UCK2: variants seen among roughly 807,000 people sequenced by gnomAD.
UCK2 encodes cytidine monophosphokinase 2.
In UCK2, 6 loss-of-function variants were observed where a neutral mutation model predicts 30.8. That is an observed-to-expected ratio of 0.19 (90% CI 0.11 to 0.38). The LOEUF (loss-of-function observed/expected upper bound fraction) is 0.38. UCK2 is among the 10% of genes least tolerant of loss of function. UCK2 has a pLI of 1.00. For missense variants in UCK2, 210 were observed against 339.8 expected (o/e 0.62, Z 3.00); for synonymous variants, 125 against 133.6 (o/e 0.94, Z 0.45).
At chr1:165,880,561 TTGGGGGTGTG>T (rs1171671592) in intron 1 of UCK2, among the ~76,000 whole-genome samples, 5 of 77,638 alleles carry the variant, frequency 6.4e-5, no homozygotes, top group Non-Finnish European at 1.4e-4. Context: ...TCAGTTTTTT[TTGGGGGTGTG>T]TGTGTGTGTG....
At chr1:165,875,572 A>T (rs746947110) in intron 1 of UCK2, among the ~76,000 whole-genome samples, 1 of 152,210 alleles carries the variant, frequency 6.6e-6, no homozygotes, top group African/African-American at 2.4e-5. Flanking sequence ...TGCCCCCTGC[A>T]GACATGCAAA....
chr1:165,902,996 T>G (rs1456446505), intron 4 of UCK2, 186 bp from the exon 5 acceptor site: 18 of 453,870 alleles, frequency 4.0e-5, no homozygotes, highest in Non-Finnish European at 5.9e-5. Context: ...TTGTAAGATG[T>G]CAGAATGTAA....
chr1:165,890,728 A>G, intron 2 of UCK2: 1 of 267,836 alleles, frequency 3.7e-6, no homozygotes, highest in South Asian at 4.8e-5. Flanking sequence ...TGTGTGTTCA[A>G]CCCACTGTCT....
chr1:165,877,051 G>A (rs1655354285), intron 1 of UCK2, among the ~76,000 whole-genome samples: 1 of 152,126 alleles, frequency 6.6e-6, no homozygotes. Flanking sequence ...GTTAGAATAT[G>A]ATCGTAGATT....
chr1:165,906,107 C>G, intron 6 of UCK2, 138 bp downstream of exon 6: 2 of 792,678 alleles, frequency 2.5e-6, no homozygotes, highest in Non-Finnish European at 4.2e-6. Context: ...CCAGCAGAAC[C>G]TTTCCACCTA....
intron 4 of UCK2, 133 bp downstream of exon 4, chr1:165,896,465 G>C: frequency 1.0e-6 from 1 of 1,004,076 alleles, no homozygotes; most frequent in South Asian, 1.5e-5. Context: ...GTGTCGCATG[G>C]TCCAGCCCGG....
At chr1:165,877,433 G>A (rs763778839) in intron 1 of UCK2, among the ~76,000 whole-genome samples, 4 of 152,130 alleles carry the variant, frequency 2.6e-5, no homozygotes, top group Non-Finnish European at 4.4e-5. Flanking sequence ...TACCTGCCCC[G>A]GATTTCCCGC....
chr1:165,841,088 T>G (rs1296996473), intron 1 of UCK2, among the ~76,000 whole-genome samples: 1 of 128,392 alleles, frequency 7.8e-6, no homozygotes, highest in African/African-American at 3.0e-5. Context: ...TATTTGTGTG[T>G]GCACACGTAT....
intron 1 of UCK2, among the ~76,000 whole-genome samples, chr1:165,883,524 T>C (rs1224548274): frequency 6.6e-6 from 1 of 152,218 alleles, no homozygotes; most frequent in Non-Finnish European, 1.5e-5. Context: ...GTCCTTGTGC[T>C]CCAAAAGCTC....
At chr1:165,903,805 C>T (rs1647563337) in intron 5 of UCK2, among the ~76,000 whole-genome samples, 1 of 152,190 alleles carries the variant, frequency 6.6e-6, no homozygotes, top group Non-Finnish European at 1.5e-5. Flanking sequence ...TTCACCCTTG[C>T]AGACTCACCA....
Position 165,827,823 on chromosome 1 carries a change from C to A in UCK2, c.-11C>A. On this transcript the variant is annotated 5_prime_UTR_variant, in exon 1 of 7. Coordinates refer to ENST00000367879, the MANE Select transcript of UCK2 (RefSeq NM_012474.5). Reference sequence around the variant, plus strand: ...TTCGCACAGGCAGCGGGAGGAGGGGCGGCGCGAACCATGGCCGGGGACAGC... The same window carrying A: ...TTCGCACAGGCAGCGGGAGGAGGGGAGGCGCGAACCATGGCCGGGGACAGC... The A allele has an allele frequency of 1.4e-6, 2 of 1,419,144 alleles. No individual in the cohort carries two copies. The highest frequency in any genetic ancestry group is 1.9e-6 in the Non-Finnish European group (2 of 1,076,416). 87.9% of individuals were successfully genotyped at this position (1,419,144 alleles called of 1,614,324 possible).
intron 1 of UCK2, among the ~76,000 whole-genome samples, chr1:165,863,539 C>G (rs1223324837): frequency 6.6e-6 from 1 of 152,196 alleles, no homozygotes; most frequent in African/African-American, 2.4e-5. Context: ...CCGTGTTGCA[C>G]AGTGAGTGAA....
intron 1 of UCK2, among the ~76,000 whole-genome samples, chr1:165,880,561 TTGGGGGTGTGTGTGTGTG>T (rs1393582470): frequency 3.9e-5 from 3 of 77,638 alleles, no homozygotes; most frequent in African/African-American, 1.4e-4. Context: ...TCAGTTTTTT[TTGGGGGTGTGTGTGTGTG>T]TGTGTGTGTG....
intron 4 of UCK2, chr1:165,900,483 G>C (rs1647420064): frequency 6.6e-6 from 1 of 152,228 alleles, no homozygotes; most frequent in Non-Finnish European, 1.5e-5. Context: ...GTCCAGGGCA[G>C]TTTTCCCCCC....
At chr1:165,868,550 T>C (rs1405481116) in intron 1 of UCK2, among the ~76,000 whole-genome samples, 1 of 152,224 alleles carries the variant, frequency 6.6e-6, no homozygotes, top group East Asian at 1.9e-4. Context: ...TCTAGCACAA[T>C]ATGTTAGGGA....
intron 1 of UCK2, among the ~76,000 whole-genome samples, chr1:165,840,453 T>A (rs973152699): frequency 6.6e-6 from 1 of 152,210 alleles, no homozygotes; most frequent in East Asian, 1.9e-4. Flanking sequence ...TTGACCATAG[T>A]CAGCATGTGG....
intron 1 of UCK2, among the ~76,000 whole-genome samples, chr1:165,876,739 A>G (rs1183565501): frequency 2.9e-4 from 44 of 152,222 alleles, no homozygotes; most frequent in Admixed American, 2.9e-3. Context: ...TGGAGGCTGT[A>G]AGACTGAAAT....
chr1:165,879,871 A>G (rs1332981665), intron 1 of UCK2, among the ~76,000 whole-genome samples: 1 of 152,186 alleles, frequency 6.6e-6, no homozygotes. Context: ...AGACTCTGAA[A>G]AAGGAACGGA....
At chr1:165,875,332 T>C (rs1437765860) in intron 1 of UCK2, among the ~76,000 whole-genome samples, 2 of 152,186 alleles carry the variant, frequency 1.3e-5, no homozygotes, top group African/African-American at 4.8e-5. Context: ...AGCCTGACTT[T>C]AAAGGACTAT....
Sources: allele counts gnomAD v4.1 joint callset (sites outside exome capture counted in the v4.1 genomes callset), GRCh38; gene constraint gnomAD v4.1.1; transcripts MANE v1.5; gene names NCBI Gene and HGNC (gene_info 2026-07-23, HGNC 2026-07-21).